CYP2J2: variants seen among roughly 807,000 people sequenced by gnomAD.
The protein encoded by CYP2J2 is cytochrome P450 family 2 subfamily J member 2, also known as cytochrome P450 2J2.
In CYP2J2, 41 loss-of-function variants were observed where a neutral mutation model predicts 48.8. That is an observed-to-expected ratio of 0.84 (90% confidence interval 0.66 to 1.09). The LOEUF is 1.09. CYP2J2 is among the 50% of genes least tolerant of loss of function. The pLI is 0.00. For synonymous variants in CYP2J2, 221 were observed against 227.1 expected, an observed-to-expected ratio of 0.97 and a Z score of 0.24; for missense variants, 644 against 617.3, an observed-to-expected ratio of 1.04 and a Z score of -0.46.
At chr1:59,917,785 C>G (rs1333513506) in intron 1 of CYP2J2, among the ~76,000 whole-genome samples, 1 of 152,194 alleles carries the variant, frequency 6.6e-6, no homozygotes, top group African/African-American at 2.4e-5. Flanking sequence ...CTGCCCCTGC[C>G]TTTTTTCTGC....
chr1:59,894,521 T>A (rs956233924), intron 8 of CYP2J2, among the ~76,000 whole-genome samples: 2 of 152,288 alleles, frequency 1.3e-5, no homozygotes, highest in South Asian at 4.1e-4. Context: ...GTGGGTGAAC[T>A]GAAGGCAGAA....
At chr1:59,949,437 TTG>T in the CYP2J2 span, among the ~76,000 whole-genome samples, 1 of 152,226 alleles carries the variant, frequency 6.6e-6, no homozygotes, top group Admixed American at 6.5e-5. Context: ...TTTTAGTGTA[TTG>T]TATATTTTTG....
the CYP2J2 span, among the ~76,000 whole-genome samples, chr1:59,933,352 A>G: frequency 6.6e-6 from 1 of 152,222 alleles, no homozygotes; most frequent in East Asian, 1.9e-4. Flanking sequence ...TGAGTAGAAA[A>G]CAGATAAGAA....
intron 2 of CYP2J2, 168 bp from the exon 3 acceptor site, chr1:59,912,479 C>T: frequency 1.5e-6 from 1 of 664,222 alleles, no homozygotes; most frequent in Non-Finnish European, 2.5e-6. Context: ...CTAATATTTA[C>T]TGATTGCTTG....
chr1:59,964,632 C>T, the CYP2J2 span, among the ~76,000 whole-genome samples: 1 of 152,216 alleles, frequency 6.6e-6, no homozygotes, highest in Non-Finnish European at 1.5e-5. Context: ...ATGTCCACTG[C>T]AGTCCTGAGT....
At chr1:59,927,261 C>G (rs1409562952), upstream of CYP2J2, among the ~76,000 whole-genome samples, 2 of 152,178 alleles carry the variant, frequency 1.3e-5, no homozygotes, top group African/African-American at 4.8e-5. Flanking sequence ...CACATCTAAA[C>G]GAGGTCCTGT....
At chr1:59,935,173 T>C in the CYP2J2 span, among the ~76,000 whole-genome samples, 3 of 151,270 alleles carry the variant, frequency 2.0e-5, no homozygotes. Flanking sequence ...GCAAATACTG[T>C]ATGATTTCAA....
At chr1:59,940,756 T>G in the CYP2J2 span, among the ~76,000 whole-genome samples, 2 of 152,174 alleles carry the variant, frequency 1.3e-5, no homozygotes, top group African/African-American at 4.8e-5. Context: ...ATCAATAGAT[T>G]AGTAGATAAA....
chr1:59,922,370 T>G (rs1227067089), intron 1 of CYP2J2, among the ~76,000 whole-genome samples: 1 of 152,220 alleles, frequency 6.6e-6, no homozygotes, highest in Non-Finnish European at 1.5e-5. Flanking sequence ...ATAAAAATAC[T>G]TATGTAAGAT....
intron 7 of CYP2J2, among the ~76,000 whole-genome samples, chr1:59,902,424 A>G (rs1644327916): frequency 6.7e-6 from 1 of 148,686 alleles, no homozygotes; most frequent in Non-Finnish European, 1.5e-5. Context: ...CAATATTAGT[A>G]ATAACTTTTT....
At chr1:59,954,899 G>A in the CYP2J2 span, among the ~76,000 whole-genome samples, 5 of 152,020 alleles carry the variant, frequency 3.3e-5, no homozygotes, top group African/African-American at 1.2e-4. Flanking sequence ...CACTTTGGGA[G>A]GATGAGGTGG....
chr1:59,955,601 GT>G, the CYP2J2 span, among the ~76,000 whole-genome samples: 1 of 152,004 alleles, frequency 6.6e-6, no homozygotes, highest in African/African-American at 2.4e-5. Flanking sequence ...CTAAGACCAG[GT>G]AATTAAAATA....
rs1411265015 is a variant in CYP2J2 at position 59,915,923 on chromosome 1, G to A, written c.373+15C>T. ...CAACATCAAACACTCACCTTTCGTT[G>A]GCCAAGAAACTTACCATTTTTCTTA... On this transcript the variant is annotated intron_variant, in intron 2 of 8. Transcript: ENST00000371204. 1.2e-6 allele frequency: 2 copies of A among 1,608,850 alleles called. No individual in the cohort carries two copies. Among genetic ancestry groups the A allele is most frequent in the Admixed American group, 1.7e-5 (1 of 59,134 alleles).
At chr1:59,914,956 A>G (rs1413828375) in intron 2 of CYP2J2, among the ~76,000 whole-genome samples, 1 of 152,238 alleles carries the variant, frequency 6.6e-6, no homozygotes, top group Non-Finnish European at 1.5e-5. Context: ...CTATGGCAGG[A>G]GGTGAGACAT....
intron 8 of CYP2J2, among the ~76,000 whole-genome samples, chr1:59,896,290 G>A (rs1177885374): frequency 1.4e-5 from 2 of 146,122 alleles, no homozygotes; most frequent in African/African-American, 5.4e-5. Context: ...AAGTGTGTGT[G>A]TGTACATATA....
chr1:59,908,823 C>T (rs1644386368), intron 5 of CYP2J2, among the ~76,000 whole-genome samples: 1 of 152,186 alleles, frequency 6.6e-6, no homozygotes, highest in African/African-American at 2.4e-5. Context: ...CATTTGGTTT[C>T]TTCCTCACCT....
At chr1:59,947,771 T>C in the CYP2J2 span, among the ~76,000 whole-genome samples, 1 of 152,208 alleles carries the variant, frequency 6.6e-6, no homozygotes, top group Admixed American at 6.5e-5. Flanking sequence ...CTTGGCTCCA[T>C]CTAAGGGCAT....
the CYP2J2 span, among the ~76,000 whole-genome samples, chr1:59,938,742 C>T: frequency 6.6e-6 from 1 of 152,290 alleles, no homozygotes; most frequent in Non-Finnish European, 1.5e-5. Flanking sequence ...TCACGGGTGT[C>T]AGGCTGGGGG....
the CYP2J2 span, among the ~76,000 whole-genome samples, chr1:59,961,595 C>T: frequency 1.3e-5 from 2 of 151,994 alleles, no homozygotes; most frequent in South Asian, 2.1e-4. Context: ...ATAGAGTTAC[C>T]ATATAACCCA....
Sources: gnomAD v4.1 joint callset for allele counts (sites outside exome capture counted in the v4.1 genomes callset) on GRCh38, gnomAD v4.1.1 for gene constraint, MANE v1.5 for transcripts, NCBI Gene and HGNC (gene_info 2026-07-23, HGNC 2026-07-21) for gene names.